C2: variants seen among roughly 807,000 people sequenced by gnomAD.
C2 encodes the protein complement C2, also known as C3/C5 convertase.
Under a neutral mutation model 85.2 loss-of-function variants are expected in C2, and 64 were observed. The ratio of observed to expected loss-of-function variants is 0.75; its 90% CI spans 0.61 to 0.92. The LOEUF is 0.92. Ranked by LOEUF, C2 falls within the 40% of genes least tolerant of loss-of-function variation. The pLI is 0.00. For missense variants in C2, 820 were observed against 971.6 expected, an observed-to-expected ratio of 0.84 and a Z score of 2.07; for synonymous variants, 311 against 370.8, an observed-to-expected ratio of 0.84 and a Z score of 1.85.
upstream of C2, among the ~76,000 whole-genome samples, chr6:31,923,892 C>T (rs954465855): frequency 1.3e-5 from 2 of 151,784 alleles, no homozygotes; most frequent in African/African-American, 4.8e-5. Flanking sequence ...CTCTGCCTCC[C>T]GGGTTCCTGC....
chr6:31,942,688 G>A (rs924876855), intron 9 of C2, among the ~76,000 whole-genome samples: 1 of 152,178 alleles, frequency 6.6e-6, no homozygotes, highest in African/African-American at 2.4e-5. Flanking sequence ...TGGGGGGGAG[G>A]AGTGAACTAG....
rs930308832 is a variant in C2, at chr6:31,934,236, G to T, written c.786G>T (p.Ser262=). The change falls in exon 6 of 18, where the codon TCG becomes TCT. Residue 262 remains serine (S), a synonymous_variant. Coordinates refer to ENST00000299367, the MANE Select transcript of C2 (RefSeq NM_000063.6). ...ACCTCTACCTGCTCCTGGACTGTTC[G>T]CAGAGTGTGTCGGAAAATGACTTTC... ...HLNLYLLLDC[S]QSVSENDFLI... The T allele has an allele frequency of 1.9e-6, 3 of 1,614,126 alleles. No homozygotes were observed. In the East Asian group the frequency reaches 6.7e-5, roughly 36 times the overall value.
upstream of C2, chr6:31,900,658 G>A (rs1767156116): frequency 1.2e-6 from 2 of 1,612,760 alleles, no homozygotes; most frequent in Non-Finnish European, 1.7e-6. The surrounding 1 kb of genome is among the most constrained non-coding windows in gnomAD (Gnocchi z 9.7). Context: ...CCACCTCCAG[G>A]GCCGACTCCA....
chr6:31,917,804 G>A (rs1157538619), upstream of C2, among the ~76,000 whole-genome samples: 1 of 152,002 alleles, frequency 6.6e-6, no homozygotes, highest in African/African-American at 2.4e-5. Flanking sequence ...TACTTGGGAG[G>A]CTGAGGCAGG....
chr6:31,927,330 G>A (rs1396682147), upstream of C2: 2 of 281,628 alleles, frequency 7.1e-6, no homozygotes, highest in African/African-American at 4.4e-5. This position sits in a 1 kb window ranked among gnomAD's most constrained non-coding sequence, Gnocchi z 4.7. Flanking sequence ...GCAATATCTT[G>A]GATGGTTTGT....
At chr6:31,936,478 G>A in intron 7 of C2, 2 of 260,522 alleles carry the variant, frequency 7.7e-6, no homozygotes, top group Non-Finnish European at 1.5e-5. Flanking sequence ...TCTTGGATTG[G>A]GGTTATGCAA....
intron 2 of C2, 149 bp from the exon 3 acceptor site, chr6:31,928,583 C>G: frequency 9.1e-6 from 7 of 772,104 alleles, no homozygotes; most frequent in Non-Finnish European, 1.5e-5. Context: ...CCAAAAACAG[C>G]AATTTCACAT....
chr6:31,927,415 G>A, upstream of C2: 1 of 1,129,408 alleles, frequency 8.9e-7, no homozygotes, highest in South Asian at 1.8e-5. This position sits in a 1 kb window ranked among gnomAD's most constrained non-coding sequence, Gnocchi z 4.7. Flanking sequence ...GCCCAAATAT[G>A]TGTTTGCCTG....
intron 3 of C2, among the ~76,000 whole-genome samples, chr6:31,929,833 G>T (rs1769585697): frequency 6.6e-6 from 1 of 151,642 alleles, no homozygotes; most frequent in Non-Finnish European, 1.5e-5. Context: ...AGACCAGCCT[G>T]GTCAACGTGG....
intron 1 of C2, among the ~76,000 whole-genome samples, chr6:31,902,337 A>G (rs962272222): frequency 3.3e-5 from 5 of 150,598 alleles, no homozygotes; most frequent in African/African-American, 1.2e-4. Context: ...CCCGCCCCCC[A>G]ATCCCGGCTG....
At chr6:31,916,752 T>G (rs867403962), upstream of C2, among the ~76,000 whole-genome samples, 1 of 31,426 alleles carries the variant, frequency 3.2e-5, no homozygotes, top group Non-Finnish European at 8.2e-5. Flanking sequence ...TCTCTGCCCT[T>G]TTTTTTTTTT....
At chr6:31,923,160 G>A (rs559823535), upstream of C2, among the ~76,000 whole-genome samples, 21 of 152,288 alleles carry the variant, frequency 1.4e-4, no homozygotes, top group Admixed American at 6.5e-4. Flanking sequence ...AAAGCTAATC[G>A]GGAGTGCCGA....
intron 2 of C2, 85 bp from the exon 3 acceptor site, chr6:31,928,647 T>C: frequency 7.4e-7 from 1 of 1,356,772 alleles, no homozygotes; most frequent in Non-Finnish European, 1.0e-6. Context: ...TCCCATGCAT[T>C]CCAGCATAAA....
rs370567230 is a variant in C2, at chr6:31,943,113, G to A, written c.1360+14G>A. 5 of 1,612,820 alleles carry A rather than the reference G, an allele frequency of 3.1e-6. No homozygotes were observed. Among genetic ancestry groups the A allele is most frequent in the African/African-American group, 1.3e-5 (1 of 74,908 alleles). On this transcript the variant is annotated intron_variant, in intron 10 of 17. Transcript: ENST00000299367. This position sits in a 1 kb window ranked among gnomAD's most constrained non-coding sequence, Gnocchi z 6.4. ...AACATATGCTGGGTGAGTGAGCTTT[G>A]CCCTCCTTGGTGTGGGGAGGATGGT...
chr6:31,938,458 A>ATG lies in C2; in HGVS notation c.1130-772_1130-771insGT, dbSNP rs1770604903. Among the ~76,000 whole-genome samples, 12 of 113,964 alleles carry ATG rather than the reference A, an allele frequency of 1.1e-4. No homozygotes were observed. The Middle Eastern group carries it at 0.013, about 122-fold the overall frequency. 74.8% of individuals were successfully genotyped at this position (113,964 alleles called of 152,430 possible). A position where few individuals can be genotyped will look rare whatever the true frequency, so the allele number is the denominator to read the frequency against. ...AGTGTGTATATATATATATGTATGT[A>ATG]TATATATATATATGTATACATACAT... On this transcript the variant is annotated intron_variant, in intron 8 of 17. Transcript: ENST00000299367.
intron 1 of C2, chr6:31,901,357 G>C (rs1399552689): frequency 6.5e-7 from 1 of 1,540,384 alleles, no homozygotes; most frequent in Admixed American, 1.9e-5. Flanking sequence ...CAGAGACAAA[G>C]GTCTCTGGCT....
At position 31,943,336 on chromosome 6, in the gene C2, G is replaced by A; in HGVS notation, c.1455+17G>A. ...ACTATTAAGGTACCAGGAAGGAGGGGCAGGGCTTGGATTCCAGAGGTAAAA... is the reference window on the plus strand; with the variant it reads ...ACTATTAAGGTACCAGGAAGGAGGGACAGGGCTTGGATTCCAGAGGTAAAA... On this transcript the variant is annotated intron_variant, in intron 11 of 17. Coordinates refer to ENST00000299367, the MANE Select transcript of C2 (RefSeq NM_000063.6). This position sits in a 1 kb window ranked among gnomAD's most constrained non-coding sequence, Gnocchi z 6.4. The A allele has an allele frequency of 6.7e-7, 1 of 1,483,180 alleles. No individual in the cohort carries two copies. The highest frequency in any genetic ancestry group is 9.4e-7 in the Non-Finnish European group (1 of 1,061,510). 91.9% of individuals were successfully genotyped at this position (1,483,180 alleles called of 1,614,324 possible). A position where few individuals can be genotyped will look rare whatever the true frequency, so the allele number is the denominator to read the frequency against.
At chr6:31,923,207 C>A (rs1292940498), upstream of C2, among the ~76,000 whole-genome samples, 1 of 152,172 alleles carries the variant, frequency 6.6e-6, no homozygotes, top group East Asian at 1.9e-4. Context: ...CCCCACAGGT[C>A]AGGTCATGGT....
intron 1 of C2, among the ~76,000 whole-genome samples, chr6:31,906,531 G>A (rs1377106204): frequency 1.3e-5 from 2 of 151,860 alleles, no homozygotes; most frequent in African/African-American, 4.8e-5. Context: ...GTCTATCTGG[G>A]GAAATGGAGG....
Sources: gnomAD v4.1 joint callset for allele counts (sites outside exome capture counted in the v4.1 genomes callset) on GRCh38, gnomAD v4.1.1 for gene constraint, Gnocchi (gnomAD v3.1) non-coding constraint, MANE v1.5 for transcripts, NCBI Gene and HGNC (gene_info 2026-07-23, HGNC 2026-07-21) for gene names.